The following OCIAD1 variants were observed in gnomAD, a reference collection of about 807,000 sequenced individuals.
OCIAD1 encodes OCIA domain containing 1.
A neutral mutation model predicts 38.9 loss-of-function variants in OCIAD1; 29 were observed. That is an observed-to-expected ratio of 0.74 (90% CI 0.55 to 1.02). The LOEUF is 1.02. Ranked by LOEUF, OCIAD1 falls within the 50% of genes least tolerant of loss-of-function variation. The pLI is 0.00. For missense variants in OCIAD1, 288 were observed against 289.6 expected (o/e 0.99, Z 0.04); for synonymous variants, 110 against 92.0 (o/e 1.20, Z -1.12).
intron 3 of OCIAD1, among the ~76,000 whole-genome samples, chr4:48,836,293 A>G (rs1393998159): frequency 6.6e-6 from 1 of 152,200 alleles, no homozygotes; most frequent in Non-Finnish European, 1.5e-5. Flanking sequence ...GATTTTTTAA[A>G]AAGTTCGACT....
chr4:48,831,037 G>C (rs1234247801), upstream of OCIAD1: 2 of 204,374 alleles, frequency 9.8e-6, no homozygotes, highest in Admixed American at 1.1e-4. Flanking sequence ...AGTGAGGTCT[G>C]ACGTCATTTC....
chr4:48,832,611 T>C lies in OCIAD1; in HGVS notation c.-5-9T>C, dbSNP rs1200719282. On this transcript the variant is annotated splice_polypyrimidine_tract_variant and intron_variant, in intron 1 of 8. Transcript: ENST00000264312. Reference sequence around the variant, plus strand: ...TTCTAATACTTAATATGTAATGTTTTTGATACAGGAAAGATGAATGGGAGG... The same window carrying C: ...TTCTAATACTTAATATGTAATGTTTCTGATACAGGAAAGATGAATGGGAGG... The C allele has an allele frequency of 6.2e-7, 1 of 1,609,648 alleles. No individual in the cohort carries two copies. Among genetic ancestry groups the C allele is most frequent in the Non-Finnish European group, 8.5e-7 (1 of 1,175,868 alleles).
intron 4 of OCIAD1, among the ~76,000 whole-genome samples, chr4:48,843,663 T>C (rs1467830256): frequency 6.6e-6 from 1 of 152,172 alleles, no homozygotes; most frequent in African/African-American, 2.4e-5. Context: ...TATATGTCCT[T>C]AAGACTAAGC....
At chr4:48,819,740 A>AAAAAAAAAAAAAAAAAAAG (rs1381189214) in intron 1 of OCIAD1, among the ~76,000 whole-genome samples, 1 of 145,554 alleles carries the variant, frequency 6.9e-6, no homozygotes, top group Non-Finnish European at 1.5e-5. Context: ...AAAAAAAAAA[A>AAAAAAAAAAAAAAAAAAAG]AAAAGGAGGG....
Position 48,860,830 on chromosome 4 carries a change from C to G in OCIAD1, c.*68C>G. The stretch of plus-strand genomic sequence containing the variant: ...TCATCTAGGTGGTCATGATTACCTG[C>G]ATGCTTTGAGCTCAGCAGCAGTCTT... On this transcript the variant is annotated 3_prime_UTR_variant, in exon 9 of 9. Coordinates refer to ENST00000264312, the MANE Select transcript of OCIAD1 (RefSeq NM_017830.4). The G allele has an allele frequency of 8.9e-7, 1 of 1,119,998 alleles. No homozygotes were observed. The highest frequency in any genetic ancestry group is 1.4e-6 in the Non-Finnish European group (1 of 736,268). 69.4% of individuals were successfully genotyped at this position (1,119,998 alleles called of 1,614,324 possible). A position where few individuals can be genotyped will look rare whatever the true frequency, so the allele number is the denominator to read the frequency against.
intron 7 of OCIAD1, among the ~76,000 whole-genome samples, chr4:48,852,938 G>A (rs1313389862): frequency 7.2e-6 from 1 of 138,588 alleles, no homozygotes. Context: ...CTGGACTGTA[G>A]TGGTGCGATC....
Position 48,848,455 on chromosome 4 carries a change from GAAC to G in OCIAD1, c.241+14_241+16del, listed in dbSNP as rs751520154. ...CATCCCTAAACTTATACGTAAGTAT[GAAC>G]AACATTGTAGTTTTCATAGCTTTTT... On this transcript the variant is annotated intron_variant, in intron 5 of 8. Coordinates refer to ENST00000264312, the MANE Select transcript of OCIAD1 (RefSeq NM_017830.4). 6.6e-6 allele frequency: 9 copies of G among 1,366,880 alleles called. No individual in the cohort carries two copies. Among genetic ancestry groups the G allele is most frequent in the Admixed American group, 5.6e-5 (3 of 53,726 alleles). The allele number at this position is 1,366,880 out of a possible 1,614,324, so 84.7% of individuals were successfully genotyped here. A position where few individuals can be genotyped will look rare whatever the true frequency, so the allele number is the denominator to read the frequency against.
upstream of OCIAD1, among the ~76,000 whole-genome samples, chr4:48,828,630 G>C (rs183633381): frequency 1.3e-5 from 2 of 152,114 alleles, no homozygotes; most frequent in Non-Finnish European, 2.9e-5. Context: ...AACTCCAGAC[G>C]GGAGGAATGA....
At chr4:48,821,304 T>C (rs553965580) in intron 1 of OCIAD1, among the ~76,000 whole-genome samples, 12 of 152,350 alleles carry the variant, frequency 7.9e-5, no homozygotes, top group African/African-American at 2.4e-4. Flanking sequence ...AAGAACCACA[T>C]GATTATCTCA....
chr4:48,832,878 A>C, intron 2 of OCIAD1, 196 bp downstream of exon 2: 1 of 582,180 alleles, frequency 1.7e-6, no homozygotes, highest in Non-Finnish European at 3.1e-6. Context: ...TTTATTTTGC[A>C]CTGGGCCCAG....
chr4:48,832,008 AT>A (rs1777551528), intron 1 of OCIAD1, among the ~76,000 whole-genome samples: 1 of 152,218 alleles, frequency 6.6e-6, no homozygotes, highest in African/African-American at 2.4e-5. Context: ...AAAAATGTAT[AT>A]TCTTGGAATT....
At chr4:48,848,056 T>A (rs1779117722) in intron 4 of OCIAD1, among the ~76,000 whole-genome samples, 1 of 151,958 alleles carries the variant, frequency 6.6e-6, no homozygotes. Flanking sequence ...GAGCGTTTTT[T>A]TTTTTGGTGC....
chr4:48,843,342 A>T (rs1778698926), intron 4 of OCIAD1, among the ~76,000 whole-genome samples: 1 of 152,188 alleles, frequency 6.6e-6, no homozygotes, highest in South Asian at 2.1e-4. Context: ...TACTTCATGA[A>T]CTATCTATCT....
chr4:48,832,822 T>G, intron 2 of OCIAD1, 140 bp downstream of exon 2: 1 of 679,052 alleles, frequency 1.5e-6, no homozygotes, highest in Admixed American at 2.3e-5. Flanking sequence ...TGTTCTAGTC[T>G]TGTTATCTTG....
At chr4:48,820,056 A>G (rs1218460703) in intron 1 of OCIAD1, among the ~76,000 whole-genome samples, 3 of 152,228 alleles carry the variant, frequency 2.0e-5, no homozygotes, top group African/African-American at 7.2e-5. Context: ...GGGACCTAAT[A>G]GACATCTACA....
At chr4:48,834,274 C>T (rs1332273811) in intron 3 of OCIAD1, among the ~76,000 whole-genome samples, 19 of 152,040 alleles carry the variant, frequency 1.2e-4, no homozygotes, top group Admixed American at 2.0e-4. Flanking sequence ...TGGGTTCAAG[C>T]GATTCTCCTG....
chr4:48,836,536 T>A (rs1778007543), intron 3 of OCIAD1, among the ~76,000 whole-genome samples: 1 of 152,208 alleles, frequency 6.6e-6, no homozygotes, highest in Non-Finnish European at 1.5e-5. Flanking sequence ...TGGAGTTGTG[T>A]TGGTGAATTC....
At chr4:48,841,842 C>T (rs911590185) in intron 3 of OCIAD1, among the ~76,000 whole-genome samples, 12 of 151,876 alleles carry the variant, frequency 7.9e-5, no homozygotes, top group South Asian at 2.1e-4. Flanking sequence ...TTTTCACTCT[C>T]GGTTTTAGGC....
chr4:48,833,160 A>C (rs1777670269), intron 2 of OCIAD1, among the ~76,000 whole-genome samples: 2 of 152,052 alleles, frequency 1.3e-5, no homozygotes, highest in Admixed American at 1.3e-4. Context: ...CTGAGGCAGG[A>C]GAATCGCTTG....
Sources: allele counts gnomAD v4.1 joint callset (sites outside exome capture counted in the v4.1 genomes callset), GRCh38; gene constraint gnomAD v4.1.1; transcripts MANE v1.5; gene names NCBI Gene and HGNC (gene_info 2026-07-23, HGNC 2026-07-21).